The following SPOCK3 variants were observed in gnomAD, a reference collection of about 807,000 sequenced individuals.
SPOCK3 encodes the protein testican-3.
Under a neutral mutation model 56.6 loss-of-function variants are expected in SPOCK3, and 30 were observed. The observed-to-expected ratio is 0.53, with a 90% confidence interval of 0.40 to 0.72. The LOEUF (loss-of-function observed/expected upper bound fraction) is 0.72, where lower values mean the gene tolerates loss of function less well. Among genes scored for constraint, SPOCK3 ranks in the 30% least tolerant of loss-of-function variants. The pLI, the probability that SPOCK3 is intolerant of heterozygous loss-of-function variation, is 0.00. For synonymous variants in SPOCK3, 196 were observed against 183.3 expected, an observed-to-expected ratio of 1.07 and a Z score of -0.56; for missense variants, 527 against 530.0, an observed-to-expected ratio of 0.99 and a Z score of 0.06.
At chr4:166,787,218 G>A (rs998665280) in intron 7 of SPOCK3, among the ~76,000 whole-genome samples, 5 of 152,136 alleles carry the variant, frequency 3.3e-5, no homozygotes, top group Admixed American at 6.6e-5. Flanking sequence ...AAATGTAATT[G>A]GAGATAAAGA....
At chr4:166,799,678 C>T (rs541998249) in intron 6 of SPOCK3, among the ~76,000 whole-genome samples, 1 of 152,178 alleles carries the variant, frequency 6.6e-6, no homozygotes, top group African/African-American at 2.4e-5. Context: ...CTTTAATCTG[C>T]GTGTAGATGA....
At chr4:167,108,967 A>T (rs1169046950) in intron 2 of SPOCK3, among the ~76,000 whole-genome samples, 25 of 82,666 alleles carry the variant, frequency 3.0e-4, no homozygotes, top group South Asian at 1.0e-3. Flanking sequence ...ATATATATAA[A>T]TATATAAATA....
At chr4:167,125,582 C>T (rs34564429) in intron 2 of SPOCK3, among the ~76,000 whole-genome samples, 6,366 of 146,700 alleles carry the variant, frequency 0.043, 194 homozygotes, top group Middle Eastern at 0.087. Context: ...GGCGTGTTGG[C>T]GGGCGCCTGT....
intron 4 of SPOCK3, among the ~76,000 whole-genome samples, chr4:166,980,329 A>G (rs1423491592): frequency 6.6e-6 from 1 of 152,246 alleles, no homozygotes; most frequent in Non-Finnish European, 1.5e-5. Flanking sequence ...AAGAGATACA[A>G]TAATATCTTC....
At chr4:166,977,770 T>A (rs1746118037) in intron 4 of SPOCK3, among the ~76,000 whole-genome samples, 1 of 152,094 alleles carries the variant, frequency 6.6e-6, no homozygotes, top group Non-Finnish European at 1.5e-5. Flanking sequence ...AGTCACTAAC[T>A]TTTTTTCTGG....
chr4:166,741,597 C>T (rs967356248), intron 9 of SPOCK3, among the ~76,000 whole-genome samples: 5 of 152,126 alleles, frequency 3.3e-5, no homozygotes, highest in Non-Finnish European at 7.4e-5. Flanking sequence ...ATTCAAATTT[C>T]CCTGAGGTAC....
intron 2 of SPOCK3, among the ~76,000 whole-genome samples, chr4:167,184,495 G>T (rs1269142047): frequency 1.3e-5 from 2 of 152,108 alleles, no homozygotes; most frequent in African/African-American, 4.8e-5. Flanking sequence ...ACCACTGCAG[G>T]AAGGCACTTT....
chr4:166,957,764 C>T (rs1743656948), intron 4 of SPOCK3, among the ~76,000 whole-genome samples: 1 of 152,182 alleles, frequency 6.6e-6, no homozygotes, highest in African/African-American at 2.4e-5. Context: ...GGCCTACAGT[C>T]TCTCTTTTTT....
intron 2 of SPOCK3, chr4:167,119,804 C>T: frequency 6.5e-7 from 1 of 1,534,082 alleles, no homozygotes. Flanking sequence ...CTGACTGAGC[C>T]CAGAAGACAT....
At chr4:167,205,544 T>A (rs944497983) in intron 2 of SPOCK3, among the ~76,000 whole-genome samples, 23 of 57,612 alleles carry the variant, frequency 4.0e-4, no homozygotes, top group African/African-American at 1.9e-3. Context: ...ATAATATATA[T>A]TATATAATAT....
chr4:167,069,993 T>A (rs1756522248), intron 2 of SPOCK3, among the ~76,000 whole-genome samples: 1 of 151,994 alleles, frequency 6.6e-6, no homozygotes, highest in Non-Finnish European at 1.5e-5. Context: ...CTTACTTTCC[T>A]GACTAACTCC....
chr4:166,929,821 A>T (rs541329811), intron 4 of SPOCK3, among the ~76,000 whole-genome samples: 126 of 152,338 alleles, frequency 8.3e-4, no homozygotes, highest in Middle Eastern at 3.4e-3. Flanking sequence ...TAAGATATGT[A>T]AATTATTAGT....
intron 2 of SPOCK3, among the ~76,000 whole-genome samples, chr4:167,229,068 AG>A (rs1033529255): frequency 4.6e-5 from 7 of 152,198 alleles, no homozygotes; most frequent in African/African-American, 1.7e-4. Flanking sequence ...AGTGAAATAT[AG>A]GTAATTATTA....
chr4:167,022,247 A>G (rs1353020978), intron 3 of SPOCK3, among the ~76,000 whole-genome samples: 1 of 152,044 alleles, frequency 6.6e-6, no homozygotes, highest in East Asian at 1.9e-4. Flanking sequence ...ACCCAGTAGG[A>G]GAATATAATA....
intron 8 of SPOCK3, among the ~76,000 whole-genome samples, chr4:166,742,340 C>T (rs1346747186): frequency 6.6e-6 from 1 of 151,942 alleles, no homozygotes; most frequent in Non-Finnish European, 1.5e-5. Context: ...CAATATATCA[C>T]CTTGGTTTTC....
intron 2 of SPOCK3, among the ~76,000 whole-genome samples, chr4:167,212,301 G>T (rs1734951195): frequency 1.3e-5 from 2 of 151,908 alleles, no homozygotes; most frequent in Admixed American, 6.6e-5. Flanking sequence ...GAGTACAATG[G>T]TGTGATCTCG....
intron 4 of SPOCK3, among the ~76,000 whole-genome samples, chr4:166,937,909 A>C (rs1050568668): frequency 7.0e-6 from 1 of 143,258 alleles, no homozygotes; most frequent in African/African-American, 2.6e-5. Context: ...GACTACAGGC[A>C]CCCGCCACCA....
At chr4:167,122,831 T>C (rs1398869021) in intron 2 of SPOCK3, among the ~76,000 whole-genome samples, 1 of 152,048 alleles carries the variant, frequency 6.6e-6, no homozygotes, top group Non-Finnish European at 1.5e-5. Context: ...TAAAGAACAA[T>C]AATCAACTCA....
At chr4:167,059,697 G>A (rs1755361932) in intron 3 of SPOCK3, among the ~76,000 whole-genome samples, 1 of 152,040 alleles carries the variant, frequency 6.6e-6, no homozygotes. Flanking sequence ...AAAGACACAT[G>A]CACACCTATG....
Sources: gnomAD v4.1 joint callset for allele counts (sites outside exome capture counted in the v4.1 genomes callset) on GRCh38, gnomAD v4.1.1 for gene constraint, MANE v1.5 for transcripts, NCBI Gene and HGNC (gene_info 2026-07-23, HGNC 2026-07-21) for gene names.